The following ART4 variants were observed in gnomAD, a reference collection of about 807,000 sequenced individuals.
ART4 encodes the protein ecto-ADP-ribosyltransferase 4.
ART4 carries 14 observed loss-of-function variants against 24.2 expected under a neutral mutation model. The ratio of observed to expected loss-of-function variants is 0.58; its 90% CI spans 0.38 to 0.90. The LOEUF (loss-of-function observed/expected upper bound fraction) is 0.90. Among genes scored for constraint, ART4 ranks in the 40% least tolerant of loss-of-function variants. ART4 has a pLI of 0.00. For synonymous variants in ART4, 145 were observed against 139.9 expected (o/e 1.04, Z -0.26); for missense variants, 356 against 366.6 (o/e 0.97, Z 0.24).
chr12:14,833,536 G>A (rs1290709787), intron 2 of ART4, among the ~76,000 whole-genome samples: 1 of 152,176 alleles, frequency 6.6e-6, no homozygotes, highest in East Asian at 1.9e-4. Flanking sequence ...CTGACTTACA[G>A]GGTGATTGTG....
rs975494668 is a variant in ART4, at chr12:14,826,972, T to C, written c.*2399A>G. 1.3e-5 allele frequency: 2 copies of C among 152,160 alleles called. No individual in the cohort carries two copies. The highest frequency in any genetic ancestry group is 1.3e-4 in the Admixed American group (2 of 15,278). 9.4% of individuals were successfully genotyped at this position (152,160 alleles called of 1,614,324 possible). On this transcript the variant is annotated 3_prime_UTR_variant, in exon 3 of 3. Coordinates refer to ENST00000228936, the MANE Select transcript of ART4 (RefSeq NM_021071.4). ...GGCTGGTTCAAATGCAGCCTCTTACTTAAAGCCTTCCGGGTGTCTCTTCTT... is the reference window on the plus strand; with the variant it reads ...GGCTGGTTCAAATGCAGCCTCTTACCTAAAGCCTTCCGGGTGTCTCTTCTT...
chr12:14,842,647 A>G (rs1863068009), intron 1 of ART4, among the ~76,000 whole-genome samples: 1 of 152,212 alleles, frequency 6.6e-6, no homozygotes, highest in Non-Finnish European at 1.5e-5. Context: ...GTCAATCTGT[A>G]TGCTAGAGTT....
rs1950377507 is a variant in ART4 at position 14,829,252 on chromosome 12, A to C, written c.*119T>G. On this transcript the variant is annotated 3_prime_UTR_variant, in exon 3 of 3. Coordinates refer to ENST00000228936, the MANE Select transcript of ART4 (RefSeq NM_021071.4). Reference sequence around the variant, plus strand: ...AAAGAGGAGGCCATGCACTGGTTTCAGCAGAAGTATGATGGGATCATCCTT... The same window carrying C: ...AAAGAGGAGGCCATGCACTGGTTTCCGCAGAAGTATGATGGGATCATCCTT... The C allele has an allele frequency of 7.4e-6, 5 of 674,710 alleles. No homozygotes were observed. In the South Asian group the frequency reaches 1.1e-4, roughly 15 times the overall value. The allele number at this position is 674,710 out of a possible 1,614,324, so 41.8% of individuals were successfully genotyped here.
chr12:14,834,303 G>A (rs937488870), intron 2 of ART4, among the ~76,000 whole-genome samples: 3 of 151,984 alleles, frequency 2.0e-5, no homozygotes, highest in African/African-American at 7.3e-5. Context: ...CACAAATAGG[G>A]TAAACTAATT....
At chr12:14,831,483 T>G (rs1465802222) in intron 2 of ART4, among the ~76,000 whole-genome samples, 1 of 151,934 alleles carries the variant, frequency 6.6e-6, no homozygotes, top group African/African-American at 2.4e-5. Context: ...CAGGCTGGTC[T>G]CGAACTCCTG....
chr12:14,826,135 T>C lies in ART4; in HGVS notation c.*3236A>G, dbSNP rs536689390. On this transcript the variant is annotated 3_prime_UTR_variant, in exon 3 of 3. Coordinates refer to ENST00000228936, the MANE Select transcript of ART4 (RefSeq NM_021071.4). ...AGTGAAATTTCTAAAACTAGTCTCTTAGAGTTTCATAAACATGTAACTTAA... is the reference window on the plus strand; with the variant it reads ...AGTGAAATTTCTAAAACTAGTCTCTCAGAGTTTCATAAACATGTAACTTAA... 3 of 152,352 alleles carry C rather than the reference T, an allele frequency of 2.0e-5. No homozygotes were observed. The highest frequency in any genetic ancestry group is 3.9e-4 in the East Asian group (2 of 5,194). The allele number at this position is 152,352 out of a possible 1,614,324, so 9.4% of individuals were successfully genotyped here. A position where few individuals can be genotyped will look rare whatever the true frequency, so the allele number is the denominator to read the frequency against.
At position 14,840,665 on chromosome 12, in the gene ART4, G is replaced by C. The variant is rs753518596; in HGVS notation, c.633C>G (p.Ser211=). The part of the protein sequence containing the change: ...TIRFGQFLST[S]LLKEEAQEFG... The stretch of plus-strand genomic sequence containing the variant: ...ACTCCTGTGCCTCTTCTTTCAGGAG[G>C]GATGTGGAGAGGAATTGGCCAAATC... The change falls in exon 2 of 3, where the codon TCC becomes TCG. Residue 211 remains serine, a synonymous_variant. Transcript: ENST00000228936. 6.2e-7 allele frequency: 1 copy of C among 1,614,128 alleles called. No individual in the cohort carries two copies.
At position 14,841,033 on chromosome 12, in the gene ART4, C is replaced by T. The variant is rs1863045486; in HGVS notation, c.265G>A (p.Ala89Thr). 3 of 1,614,158 alleles carry T rather than the reference C, an allele frequency of 1.9e-6. No individual in the cohort carries two copies. The African/African-American group carries it at 4.0e-5, about 22-fold the overall frequency. Residue 89 changes from alanine to threonine, a missense_variant, in exon 2 of 3, where the codon GCC (alanine) becomes ACC (threonine). Coordinates refer to ENST00000228936, the MANE Select transcript of ART4 (RefSeq NM_021071.4). The stretch of plus-strand genomic sequence containing the variant: ...CACATCCTAAAATAATTCTTCTGGG[C>T]TTCTATGTCTTTTGTGAAATAATCC... ...QGDYFTKDIE[A>T]QKNYFRMWQK...
At chr12:14,831,232 C>CT (rs1338529784) in intron 2 of ART4, among the ~76,000 whole-genome samples, 1 of 150,898 alleles carries the variant, frequency 6.6e-6, no homozygotes, top group Non-Finnish European at 1.5e-5. Context: ...GACACCAACT[C>CT]TATCAATTTT....
rs7974172 is a variant in ART4, at chr12:14,841,728, T to A, written c.145-575A>T. Among the ~76,000 whole-genome samples, 234 of 152,340 alleles carry A rather than the reference T, an allele frequency of 1.5e-3. 2 individuals are homozygous for A. The highest frequency in any genetic ancestry group is 5.3e-3 in the African/African-American group (220 of 41,576). The stretch of plus-strand genomic sequence containing the variant: ...GTTTTCTTACTGAAAAAGGGCACGC[T>A]ACAGCAGTCACATTGTTAGGTCTGA... On this transcript the variant is annotated intron_variant, in intron 1 of 2. Transcript: ENST00000228936.
In ART4 at chr12:14,841,172, C is replaced by T; in HGVS notation, c.145-19G>A. On this transcript the variant is annotated intron_variant, in intron 1 of 2. Transcript: ENST00000228936. Reference sequence around the variant, plus strand: ...TTGCAACCTGTAAAAAAAGAAAAATCTTGAGTTTAATTTTTCAAATCAGAT... The same window carrying T: ...TTGCAACCTGTAAAAAAAGAAAAATTTTGAGTTTAATTTTTCAAATCAGAT... 6.4e-7 allele frequency: 1 copy of T among 1,559,032 alleles called. No homozygotes were observed. Among genetic ancestry groups the T allele is most frequent in the Non-Finnish European group, 8.6e-7 (1 of 1,158,380 alleles).
chr12:14,832,499 T>G (rs1379648212), intron 2 of ART4, among the ~76,000 whole-genome samples: 1 of 152,192 alleles, frequency 6.6e-6, no homozygotes, highest in African/African-American at 2.4e-5. Flanking sequence ...ATTTTTCATC[T>G]TAGTATGTAC....
At chr12:14,831,348 C>A (rs530506428) in intron 2 of ART4, among the ~76,000 whole-genome samples, 54 of 150,072 alleles carry the variant, frequency 3.6e-4, no homozygotes, top group African/African-American at 4.9e-4. Flanking sequence ...CTGCTCACTG[C>A]AACATCAGCT....
chr12:14,837,332 A>G (rs1225243597), intron 2 of ART4, among the ~76,000 whole-genome samples: 1 of 152,130 alleles, frequency 6.6e-6, no homozygotes, highest in Non-Finnish European at 1.5e-5. Flanking sequence ...ACTGTTTTTA[A>G]TTAATTGTGT....
chr12:14,843,082 ATCT>A lies in ART4; in HGVS notation c.29_31del (p.Lys10del), dbSNP rs759572585. On this transcript the variant is annotated inframe_deletion, in exon 1 of 3. Coordinates refer to ENST00000228936, the MANE Select transcript of ART4 (RefSeq NM_021071.4). ...AGGAGGTACAGTAGTTGGGAGAAGA[ATCT>A]TCTTGCATCTGTTGATCAATGGACC... is the stretch of plus-strand genomic sequence containing the variant. 6.2e-7 allele frequency: 1 copy of A among 1,614,186 alleles called. No homozygotes were observed. Among genetic ancestry groups the A allele is most frequent in the Non-Finnish European group, 8.5e-7 (1 of 1,180,012 alleles).
At chr12:14,834,557 C>T (rs1181891914) in intron 2 of ART4, among the ~76,000 whole-genome samples, 2 of 152,114 alleles carry the variant, frequency 1.3e-5, no homozygotes, top group Non-Finnish European at 2.9e-5. Context: ...TCTCTAGAAA[C>T]ATGTTAAGAA....
intron 2 of ART4, among the ~76,000 whole-genome samples, chr12:14,834,608 C>G (rs1369218462): frequency 2.0e-5 from 3 of 152,162 alleles, no homozygotes; most frequent in Non-Finnish European, 4.4e-5. Context: ...AATCCCTGTT[C>G]TTTGTGAATC....
Position 14,840,831 on chromosome 12 carries a change from A to C in ART4, c.467T>G (p.Phe156Cys). The C allele has an allele frequency of 6.2e-7, 1 of 1,614,168 alleles. No individual in the cohort carries two copies. The highest frequency in any genetic ancestry group is 8.5e-7 in the Non-Finnish European group (1 of 1,180,022). The change falls in exon 2 of 3, where the codon TTC becomes TGC. Residue 156 changes from phenylalanine (F) to cysteine (C), a missense_variant. Coordinates refer to ENST00000228936, the MANE Select transcript of ART4 (RefSeq NM_021071.4). ...GGTGAGGTAGTAGTGTAAATATTTG[A>C]AGTGGAATGAACGTTCATACTGCTG... ...TPQQYERSFH[F>C]KYLHYYLTSA...
chr12:14,836,672 G>A (rs1950433205), intron 2 of ART4, among the ~76,000 whole-genome samples: 1 of 152,224 alleles, frequency 6.6e-6, no homozygotes, highest in Admixed American at 6.5e-5. Flanking sequence ...GGTAGAACCA[G>A]AGGATGGACC....
Sources: gnomAD v4.1 joint callset for allele counts (sites outside exome capture counted in the v4.1 genomes callset) on GRCh38, gnomAD v4.1.1 for gene constraint, MANE v1.5 for transcripts, NCBI Gene and HGNC (gene_info 2026-07-23, HGNC 2026-07-21) for gene names.